Variants in SRGAP3 observed in about 807,000 individuals in gnomAD.
The protein encoded by SRGAP3 is SLIT-ROBO Rho GTPase activating protein 3, also known as SLIT-ROBO Rho GTPase-activating protein 3.
In SRGAP3, 39 loss-of-function variants were observed where a neutral mutation model predicts 121.1. The ratio of observed to expected loss-of-function variants is 0.32; its 90% CI spans 0.25 to 0.42. The LOEUF (loss-of-function observed/expected upper bound fraction) is 0.42. Among genes scored for constraint, SRGAP3 ranks in the 10% least tolerant of loss-of-function variants. The probability of loss-of-function intolerance (pLI) is 1.00; values close to 1 mark genes in which losing one functional copy is unlikely to be tolerated. For synonymous variants in SRGAP3, 601 were observed against 570.0 expected (o/e 1.05, Z -0.77); for missense variants, 1,213 against 1,470.6 (o/e 0.82, Z 2.86).
chr3:9,168,730 G>A lies in SRGAP3; in HGVS notation c.68-43813C>T, dbSNP rs897121760. Among the ~76,000 whole-genome samples, 7 of 152,330 alleles carry A rather than the reference G, an allele frequency of 4.6e-5. No individual in the cohort carries two copies. In the East Asian group the frequency reaches 1.3e-3, roughly 29 times the overall value. On this transcript the variant is annotated intron_variant, in intron 1 of 21. Transcript: ENST00000383836. The stretch of plus-strand genomic sequence containing the variant: ...AGCTGTTAAGTAACAAACTGGTCCT[G>A]CAGATATGAGGAAAGAGAGAAGGGA...
intron 3 of SRGAP3, among the ~76,000 whole-genome samples, chr3:9,275,235 C>T (rs1393445553): frequency 1.3e-5 from 2 of 152,142 alleles, no homozygotes; most frequent in Admixed American, 6.5e-5. Context: ...CCTCAAAGTC[C>T]TCTCTCTGCC....
chr3:9,113,754 G>T (rs1262836540), intron 2 of SRGAP3, among the ~76,000 whole-genome samples: 1 of 152,032 alleles, frequency 6.6e-6, no homozygotes, highest in Non-Finnish European at 1.5e-5. Context: ...CACAAGATCT[G>T]ATGGTTTTAT....
rs767982306 is a variant in SRGAP3, at chr3:9,322,763, G to C, written n.442+3247C>G. 2.4e-4 allele frequency among the ~76,000 whole-genome samples: 36 copies of C among 151,696 alleles called. 1 individual carries two copies. The highest frequency in any genetic ancestry group is 4.4e-4 in the Non-Finnish European group (30 of 67,970). Reference sequence around the variant, plus strand: ...CGAGTCCCTGGTACCAAAAAGGTTGGGGACTGCCATCTTAATAGATTAAAA... The same window carrying C: ...CGAGTCCCTGGTACCAAAAAGGTTGCGGACTGCCATCTTAATAGATTAAAA... On this transcript the variant is annotated intron_variant and non_coding_transcript_variant, in intron 3 of 3. Coordinates refer to the SRGAP3 transcript ENST00000490889.
At chr3:9,285,768 CA>C (rs35774144) in intron 3 of SRGAP3, among the ~76,000 whole-genome samples, 63,476 of 129,256 alleles carry the variant, frequency 0.49, 13,958 homozygotes, top group Admixed American at 0.54. Context: ...CGCCCCACCT[CA>C]AAAAAAAAAA....
intron 3 of SRGAP3, among the ~76,000 whole-genome samples, chr3:9,276,048 C>CGGAA (rs201484210): frequency 2.6e-5 from 4 of 151,714 alleles, no homozygotes; most frequent in Non-Finnish European, 5.9e-5. Context: ...AAAAAAAAGT[C>CGGAA]GGAAGGAAGG....
intron 1 of SRGAP3, among the ~76,000 whole-genome samples, chr3:9,240,085 T>C (rs1014618615): frequency 2.6e-5 from 4 of 152,336 alleles, no homozygotes; most frequent in African/African-American, 9.6e-5. Flanking sequence ...ACACTGTTTA[T>C]TCTAGAACTT....
intron 1 of SRGAP3, among the ~76,000 whole-genome samples, chr3:9,215,369 G>GAGA (rs3069991): frequency 0.49 from 74,560 of 151,730 alleles, 19,082 homozygotes; most frequent in African/African-American, 0.64. Context: ...CCAGAGGTGG[G>GAGA]AGATTTTCTC....
At chr3:9,351,457 T>C (rs147174571) in intron 1 of SRGAP3, among the ~76,000 whole-genome samples, 25 of 152,184 alleles carry the variant, frequency 1.6e-4, no homozygotes, top group African/African-American at 5.5e-4. Flanking sequence ...AGAGTTCCAA[T>C]TCACAAGCAT....
chr3:9,215,741 C>T (rs1488284788), intron 1 of SRGAP3, among the ~76,000 whole-genome samples: 2 of 152,220 alleles, frequency 1.3e-5, no homozygotes, highest in Non-Finnish European at 2.9e-5. Flanking sequence ...TCTTCTCCTG[C>T]CCTTAGACAT....
rs569018964 is a variant in SRGAP3 at position 9,096,532 on chromosome 3, A to G, written c.423+8148T>C. Among the ~76,000 whole-genome samples the G allele has an allele frequency of 2.0e-4, 31 of 152,288 alleles. No individual in the cohort carries two copies. In the South Asian group the frequency reaches 5.2e-3, roughly 25 times the overall value. On this transcript the variant is annotated intron_variant, in intron 3 of 21. Transcript: ENST00000383836. Reference sequence around the variant, plus strand: ...TTTGATAATACCTTTTATCAGGCGGAGTTCCTATTTATTCCTAATTTGCTA... The same window carrying G: ...TTTGATAATACCTTTTATCAGGCGGGGTTCCTATTTATTCCTAATTTGCTA...
intron 1 of SRGAP3, among the ~76,000 whole-genome samples, chr3:9,240,466 C>A (rs1000571476): frequency 6.6e-6 from 1 of 152,136 alleles, no homozygotes; most frequent in African/African-American, 2.4e-5. Flanking sequence ...CCTCACCAAT[C>A]CTTACCCGGC....
chr3:9,191,548 G>A (rs747199913), intron 1 of SRGAP3, among the ~76,000 whole-genome samples: 1 of 152,232 alleles, frequency 6.6e-6, no homozygotes, highest in Non-Finnish European at 1.5e-5. Flanking sequence ...CACAGGACAG[G>A]ATGAGTGAGA....
intron 3 of SRGAP3, among the ~76,000 whole-genome samples, chr3:9,293,497 A>G (rs915610670): frequency 6.6e-6 from 1 of 152,200 alleles, no homozygotes; most frequent in Non-Finnish European, 1.5e-5. Context: ...TCCTGATCTA[A>G]TTAAACTAAA....
intron 3 of SRGAP3, among the ~76,000 whole-genome samples, chr3:9,092,827 C>G (rs1049361317): frequency 2.0e-5 from 3 of 152,098 alleles, no homozygotes; most frequent in Non-Finnish European, 4.4e-5. Flanking sequence ...CCTGTCCCAC[C>G]CTGGCTTCCA....
chr3:9,120,364 T>C (rs900615304), intron 2 of SRGAP3, among the ~76,000 whole-genome samples: 1 of 152,216 alleles, frequency 6.6e-6, no homozygotes, highest in Non-Finnish European at 1.5e-5. Context: ...AGCCATGGGA[T>C]TGGGGCCTCC....
chr3:9,028,259 G>A (rs1230574111), intron 12 of SRGAP3: 5 of 1,282,742 alleles, frequency 3.9e-6, no homozygotes, highest in South Asian at 3.7e-5. Context: ...GCCAGCCAAG[G>A]TCCTGGGGAG....
intron 21 of SRGAP3, among the ~76,000 whole-genome samples, chr3:8,988,000 C>T (rs1941820865): frequency 6.6e-6 from 1 of 152,178 alleles, no homozygotes; most frequent in South Asian, 2.1e-4. Context: ...ATTACTGCCC[C>T]TCTACCACCA....
chr3:9,185,311 C>T (rs1312352009), intron 1 of SRGAP3, among the ~76,000 whole-genome samples: 2 of 152,114 alleles, frequency 1.3e-5, no homozygotes, highest in Non-Finnish European at 2.9e-5. Context: ...ACCTACCTGG[C>T]GAGGCCAGAT....
intron 9 of SRGAP3, among the ~76,000 whole-genome samples, chr3:9,048,521 C>T (rs918508027): frequency 1.3e-5 from 2 of 152,178 alleles, no homozygotes; most frequent in African/African-American, 4.8e-5. Context: ...GTGAATGCTA[C>T]GGATAAAAAG....
Sources: allele counts gnomAD v4.1 joint callset (sites outside exome capture counted in the v4.1 genomes callset), GRCh38; gene constraint gnomAD v4.1.1; transcripts MANE v1.5; gene names NCBI Gene and HGNC (gene_info 2026-07-23, HGNC 2026-07-21).